Variants in GALNTL6 observed in about 807,000 individuals in gnomAD.
GALNTL6 encodes the protein polypeptide N-acetylgalactosaminyltransferase like 6.
A neutral mutation model predicts 73.7 loss-of-function variants in GALNTL6; 46 were observed. The ratio of observed to expected loss-of-function variants is 0.62; its 90% confidence interval spans 0.49 to 0.80. GALNTL6 has a LOEUF of 0.80. GALNTL6 is among the 30% of genes least tolerant of loss of function. The pLI is 0.00. For synonymous variants in GALNTL6, 259 were observed against 263.7 expected, an observed-to-expected ratio of 0.98 and a Z score of 0.17; for missense variants, 604 against 755.0, an observed-to-expected ratio of 0.80 and a Z score of 2.34.
intron 4 of GALNTL6, among the ~76,000 whole-genome samples, chr4:172,348,155 G>T (rs1230915116): frequency 6.6e-6 from 1 of 152,138 alleles, no homozygotes; most frequent in Non-Finnish European, 1.5e-5. Flanking sequence ...TCTTCAGGAA[G>T]TCCATCTAAA....
chr4:172,531,301 C>G (rs1735161739), intron 5 of GALNTL6, among the ~76,000 whole-genome samples: 1 of 152,138 alleles, frequency 6.6e-6, no homozygotes, highest in Non-Finnish European at 1.5e-5. Flanking sequence ...CATGGGCTGT[C>G]TCAAAAGAAC....
rs1318005807 is a variant in GALNTL6, at chr4:172,181,714, C to T, written c.139-47942C>T. 1.0e-4 allele frequency among the ~76,000 whole-genome samples: 15 copies of T among 148,776 alleles called. No individual in the cohort carries two copies. The East Asian group carries it at 2.9e-3, about 29-fold the overall frequency. ...AAATGCCATCATCTCAGCCCCAAATCTTCTTTTTTTTTTTTTTTTTGAGTT... is the reference window on the plus strand; with the variant it reads ...AAATGCCATCATCTCAGCCCCAAATTTTCTTTTTTTTTTTTTTTTTGAGTT... On this transcript the variant is annotated intron_variant, in intron 2 of 12. Transcript: ENST00000506823.
chr4:172,017,454 G>T (rs1741237315), intron 2 of GALNTL6, among the ~76,000 whole-genome samples: 1 of 152,080 alleles, frequency 6.6e-6, no homozygotes. Flanking sequence ...TGTCTATAGA[G>T]GCCTCCATGC....
chr4:171,947,729 CAG>C (rs993834409), intron 2 of GALNTL6, among the ~76,000 whole-genome samples: 7 of 152,064 alleles, frequency 4.6e-5, no homozygotes, highest in Admixed American at 2.6e-4. Context: ...ATCTGGGAAA[CAG>C]GGGTGGAGGA....
At chr4:172,673,109 T>G (rs1034809574) in intron 5 of GALNTL6, among the ~76,000 whole-genome samples, 4 of 152,190 alleles carry the variant, frequency 2.6e-5, no homozygotes, top group Non-Finnish European at 5.9e-5. Context: ...TGTGAAGTTA[T>G]GTTGTTAACT....
chr4:172,995,475 G>T (rs950619411), intron 10 of GALNTL6, among the ~76,000 whole-genome samples: 1 of 152,142 alleles, frequency 6.6e-6, no homozygotes, highest in Non-Finnish European at 1.5e-5. Flanking sequence ...CTTGACGCAG[G>T]TTCAAGTGGA....
chr4:171,961,296 C>T (rs575028834), intron 2 of GALNTL6, among the ~76,000 whole-genome samples: 1 of 152,252 alleles, frequency 6.6e-6, no homozygotes, highest in African/African-American at 2.4e-5. Context: ...GTACAGGGTT[C>T]CTGACCTGTG....
chr4:172,882,135 G>A (rs1009655299), intron 7 of GALNTL6, among the ~76,000 whole-genome samples: 2 of 152,062 alleles, frequency 1.3e-5, no homozygotes, highest in Non-Finnish European at 2.9e-5. Context: ...CCTAGCAGGA[G>A]TGGAATACTT....
intron 7 of GALNTL6, among the ~76,000 whole-genome samples, chr4:172,877,076 C>T (rs1306561934): frequency 6.6e-6 from 1 of 152,088 alleles, no homozygotes; most frequent in Admixed American, 6.6e-5. Context: ...AAATTGTGAG[C>T]CAGTTTATTT....
At chr4:171,929,206 A>G (rs1738091463) in intron 2 of GALNTL6, among the ~76,000 whole-genome samples, 6 of 152,222 alleles carry the variant, frequency 3.9e-5, no homozygotes. Context: ...AGCTGGGACT[A>G]GAGGCCCACG....
At chr4:172,320,206 T>C (rs1740709611) in intron 4 of GALNTL6, among the ~76,000 whole-genome samples, 1 of 152,100 alleles carries the variant, frequency 6.6e-6, no homozygotes, top group African/African-American at 2.4e-5. Context: ...CTTCAGGCCC[T>C]TATTGTACTT....
chr4:172,640,242 T>C (rs567970400), intron 5 of GALNTL6, among the ~76,000 whole-genome samples: 4 of 152,232 alleles, frequency 2.6e-5, no homozygotes, highest in African/African-American at 9.6e-5. Flanking sequence ...AGCTGAACAT[T>C]CCCTCCCACG....
intron 3 of GALNTL6, among the ~76,000 whole-genome samples, chr4:172,304,735 CTATT>C (rs942503576): frequency 1.5e-4 from 23 of 152,094 alleles, no homozygotes; most frequent in African/African-American, 5.6e-4. Context: ...TAAGAGATCT[CTATT>C]TAGATAGACT....
intron 2 of GALNTL6, among the ~76,000 whole-genome samples, chr4:171,906,505 G>T (rs947050956): frequency 6.6e-6 from 1 of 151,958 alleles, no homozygotes; most frequent in African/African-American, 2.4e-5. Flanking sequence ...ATAATCAATA[G>T]CTTACCAACC....
chr4:171,992,217 A>G (rs1249419022), intron 2 of GALNTL6, among the ~76,000 whole-genome samples: 1 of 152,050 alleles, frequency 6.6e-6, no homozygotes, highest in Admixed American at 6.6e-5. Context: ...AATTCAATTC[A>G]ACTTGCTGAC....
At chr4:172,829,290 A>C (rs1200867304) in intron 7 of GALNTL6, among the ~76,000 whole-genome samples, 2 of 152,202 alleles carry the variant, frequency 1.3e-5, no homozygotes, top group Non-Finnish European at 2.9e-5. Flanking sequence ...GGAACTTCAC[A>C]CAGTGACTCC....
chr4:171,840,058 G>C (rs1255601109), intron 2 of GALNTL6, among the ~76,000 whole-genome samples: 2 of 152,110 alleles, frequency 1.3e-5, no homozygotes, highest in African/African-American at 4.8e-5. Flanking sequence ...TACTGAAGTA[G>C]TGCCGGCCAG....
chr4:172,469,392 G>A (rs1056801851), intron 5 of GALNTL6, among the ~76,000 whole-genome samples: 2 of 151,954 alleles, frequency 1.3e-5, no homozygotes, highest in African/African-American at 4.8e-5. Flanking sequence ...AATCACTTGA[G>A]GTCAGGAGGT....
intron 8 of GALNTL6, among the ~76,000 whole-genome samples, chr4:172,914,643 A>T (rs1747401887): frequency 6.6e-6 from 1 of 152,226 alleles, no homozygotes. Context: ...AGATCAAAAG[A>T]GACAAAGAAG....
Sources: allele counts gnomAD v4.1 joint callset (sites outside exome capture counted in the v4.1 genomes callset), GRCh38; gene constraint gnomAD v4.1.1; transcripts MANE v1.5; gene names NCBI Gene and HGNC (gene_info 2026-07-23, HGNC 2026-07-21).